The following C16orf89 variants were observed in gnomAD, a reference collection of about 807,000 sequenced individuals.
C16orf89 encodes the protein UPF0764 protein C16orf89.
Under a neutral mutation model 41.5 loss-of-function variants are expected in C16orf89, and 57 were observed. The ratio of observed to expected loss-of-function variants is 1.38; its 90% confidence interval spans 1.11 to 1.71. C16orf89 has a LOEUF of 1.71. Among genes scored for constraint, C16orf89 ranks in the 40% most tolerant of loss-of-function variants. The pLI, the probability that C16orf89 is intolerant of heterozygous loss-of-function variation, is 0.00. For synonymous variants in C16orf89, 223 were observed against 190.6 expected (o/e 1.17, Z -1.40); for missense variants, 575 against 445.9 (o/e 1.29, Z -2.61).
chr16:5,061,162 T>G (rs1280128195), intron 2 of C16orf89, among the ~76,000 whole-genome samples: 1 of 145,918 alleles, frequency 6.9e-6, no homozygotes, highest in South Asian at 2.2e-4. Flanking sequence ...CTCAGGAGGC[T>G]GAGGCAGGAG....
At chr16:5,057,379 A>G (rs1396480109) in intron 4 of C16orf89, among the ~76,000 whole-genome samples, 1 of 147,422 alleles carries the variant, frequency 6.8e-6, no homozygotes, top group Non-Finnish European at 1.5e-5. Flanking sequence ...TGATATATAT[A>G]TAGTGGTATA....
intron 3 of C16orf89, among the ~76,000 whole-genome samples, chr16:5,059,445 G>C (rs1191094967): frequency 6.6e-6 from 1 of 152,054 alleles, no homozygotes; most frequent in Non-Finnish European, 1.5e-5. Context: ...ACTCCAGCCT[G>C]GGGGACAGTG....
intron 2 of C16orf89, 141 bp from the exon 3 acceptor site, chr16:5,060,577 A>G (rs1468881455): frequency 2.3e-6 from 2 of 863,980 alleles, no homozygotes; most frequent in Non-Finnish European, 3.4e-6. Context: ...CCCTGGTCCC[A>G]GATTGGGTTT....
At chr16:5,053,946 G>C (rs1956442545) in intron 6 of C16orf89, among the ~76,000 whole-genome samples, 1 of 152,284 alleles carries the variant, frequency 6.6e-6, no homozygotes, top group East Asian at 1.9e-4. Flanking sequence ...TACATGTATG[G>C]AAATATCACA....
chr16:5,059,026 G>C (rs1007248045), intron 3 of C16orf89, among the ~76,000 whole-genome samples: 9 of 152,108 alleles, frequency 5.9e-5, no homozygotes, highest in Non-Finnish European at 1.3e-4. Flanking sequence ...AGTCACCTGA[G>C]GTCAGGAGTT....
At chr16:5,052,028 G>T (rs1204727286) in intron 6 of C16orf89, among the ~76,000 whole-genome samples, 1 of 148,060 alleles carries the variant, frequency 6.8e-6, no homozygotes, top group African/African-American at 2.5e-5. Context: ...GCTTGAACCC[G>T]AGAGGTGGAG....
At chr16:5,047,733 A>T (rs1274270801) in intron 7 of C16orf89, 145 bp downstream of exon 7, 1 of 653,590 alleles carries the variant, frequency 1.5e-6, no homozygotes, top group Admixed American at 2.7e-5. Context: ...CCTCCCTTCC[A>T]CCTCTCAACA....
chr16:5,045,147 G>A (rs1175941255), intron 7 of C16orf89, among the ~76,000 whole-genome samples: 4 of 152,198 alleles, frequency 2.6e-5, no homozygotes, highest in Non-Finnish European at 5.9e-5. Context: ...GCCTGGCTTA[G>A]CCTGCTTCCC....
rs1424062320 is a variant in C16orf89 at position 5,056,825 on chromosome 16, AAAT to A, written c.628-640_628-638del. 5.3e-5 allele frequency among the ~76,000 whole-genome samples: 8 copies of A among 152,284 alleles called. No individual in the cohort carries two copies. In the South Asian group the frequency reaches 1.0e-3, roughly 20 times the overall value. ...TATTGGGCTGTCACAGCTTGCAGAG[AAAT>A]AATAATTTTTAAATTCTGTTGAACA... On this transcript the variant is annotated intron_variant, in intron 4 of 7. Transcript: ENST00000472572.
In C16orf89 at chr16:5,065,720, C is replaced by G; in HGVS notation, c.189G>C (p.Val63=). The stretch of plus-strand genomic sequence containing the variant: ...ACTCACCTTCCAGCACTCGGACCCC[C>G]ACCATGCCATCCAGGTTGATTTCAG... ...RLPEINLDGM[V]GVRVLEEQLK... Residue 63 remains valine (V), a synonymous_variant, in exon 1 of 8, where the codon GTG becomes GTC. Coordinates refer to ENST00000472572, the MANE Select transcript of C16orf89 (RefSeq NM_001098514.3). 1 of 1,613,812 alleles carries G rather than the reference C, an allele frequency of 6.2e-7. No individual in the cohort carries two copies. Among genetic ancestry groups the G allele is most frequent in the Non-Finnish European group, 8.5e-7 (1 of 1,179,678 alleles).
Position 5,065,819 on chromosome 16 carries a change from T to C in C16orf89, c.90A>G (p.Glu30=), listed in dbSNP as rs1956730081. The change falls in exon 1 of 8, where the codon GAA becomes GAG. Residue 30 remains glutamate (E), a synonymous_variant. Transcript: ENST00000472572. ...TCAGGTCTGCAATGGTGGCTTTACT[T>C]TCAGCAGTGTCCAGCCCAGGCAGTG... ...SSSLPGLDTA[E]SKATIADLIL... is the part of the protein sequence containing the mutation. 1 of 1,614,048 alleles carries C rather than the reference T, an allele frequency of 6.2e-7. No homozygotes were observed. The highest frequency in any genetic ancestry group is 1.3e-5 in the African/African-American group (1 of 74,926).
At chr16:5,051,108 GA>G in intron 6 of C16orf89, among the ~76,000 whole-genome samples, 1 of 152,294 alleles carries the variant, frequency 6.6e-6, no homozygotes, top group South Asian at 2.1e-4. Context: ...ACTGAGTGAG[GA>G]AAAGTTGAAA....
chr16:5,055,959 G>GTGTGTGTGT (rs1956492199), intron 5 of C16orf89, 94 bp downstream of exon 5: 5 of 599,070 alleles, frequency 8.3e-6, no homozygotes, highest in Non-Finnish European at 1.4e-5. Flanking sequence ...GTGTGTGTGT[G>GTGTGTGTGT]TGTGTGTGTG....
chr16:5,044,710 G>T, intron 7 of C16orf89: 1 of 984,340 alleles, frequency 1.0e-6, no homozygotes, highest in Non-Finnish European at 1.4e-6. Flanking sequence ...CAGGTATGGT[G>T]GCACGCTCCT....
chr16:5,053,704 C>G (rs113215046), intron 6 of C16orf89, among the ~76,000 whole-genome samples: 1 of 152,066 alleles, frequency 6.6e-6, no homozygotes, highest in Non-Finnish European at 1.5e-5. Flanking sequence ...CCACCACACC[C>G]GGCTAATGTT....
At chr16:5,054,188 G>A (rs1401609030) in intron 6 of C16orf89, among the ~76,000 whole-genome samples, 6 of 152,210 alleles carry the variant, frequency 3.9e-5, no homozygotes, top group South Asian at 2.1e-4. Flanking sequence ...GGGAGCTGCC[G>A]TGTACCTGGC....
Position 5,060,289 on chromosome 16 carries a change from G to T in C16orf89, c.506C>A (p.Thr169Asn). ...SDVCLVQLLG[T>N]GTDSSEPCGL... ...ATAGGGCAAGTGCAGGGCCCACCCG[G>T]TTCCCAGCAGCTGCACCAGGCACAC... The change falls in exon 3 of 8, where the codon ACC becomes AAC. Residue 169 changes from threonine (T) to asparagine (N), a missense_variant. Physicochemically the swap from Thr to Asn is moderately conservative, Grantham distance 65. Transcript: ENST00000472572. 1 of 1,608,206 alleles carries T rather than the reference G, an allele frequency of 6.2e-7. No homozygotes were observed.
At chr16:5,062,632 T>C in intron 1 of C16orf89, 58 bp from the exon 2 acceptor site, 1 of 1,487,170 alleles carries the variant, frequency 6.7e-7, no homozygotes, top group Non-Finnish European at 9.1e-7. Flanking sequence ...TTTTTTTGCC[T>C]TGGAACAAGA....
At chr16:5,057,288 A>ATG (rs1555448785) in intron 4 of C16orf89, among the ~76,000 whole-genome samples, 6 of 126,432 alleles carry the variant, frequency 4.7e-5, no homozygotes, top group African/African-American at 8.7e-5. Flanking sequence ...GTATATATAT[A>ATG]TGTGTATATA....
Sources: allele counts gnomAD v4.1 joint callset (sites outside exome capture counted in the v4.1 genomes callset), GRCh38; gene constraint gnomAD v4.1.1; transcripts MANE v1.5; gene names NCBI Gene and HGNC (gene_info 2026-07-23, HGNC 2026-07-21).